SNX2: variants seen among roughly 807,000 people sequenced by gnomAD.
SNX2 encodes sorting nexin 2.
Under a neutral mutation model 69.9 loss-of-function variants are expected in SNX2, and 25 were observed. The observed-to-expected ratio is 0.36, with a 90% CI of 0.26 to 0.50. SNX2 has a LOEUF of 0.50. SNX2 is among the 20% of genes least tolerant of loss of function. SNX2 has a pLI of 0.97. For missense variants in SNX2, 551 were observed against 613.3 expected (o/e 0.90, Z 1.07); for synonymous variants, 229 against 200.4 (o/e 1.14, Z -1.20).
chr5:122,813,996 A>T (rs542278911), intron 7 of SNX2, among the ~76,000 whole-genome samples: 1 of 151,740 alleles, frequency 6.6e-6, no homozygotes, highest in African/African-American at 2.4e-5. Context: ...CTGGTCTCGA[A>T]CTCCTGACCT....
intron 11 of SNX2, among the ~76,000 whole-genome samples, chr5:122,824,962 T>G (rs915521967): frequency 3.3e-5 from 5 of 152,274 alleles, no homozygotes; most frequent in Admixed American, 3.3e-4. Context: ...TTTGGGATCA[T>G]TACAGCTTGG....
At chr5:122,826,357 A>G (rs894427535) in intron 12 of SNX2, among the ~76,000 whole-genome samples, 164 bp downstream of exon 12, 1 of 152,046 alleles carries the variant, frequency 6.6e-6, no homozygotes, top group African/African-American at 2.4e-5. Context: ...TTATTATTAA[A>G]ATCTCCAGAG....
rs116073418 is a variant in SNX2 at position 122,812,240 on chromosome 5, G to C, written c.723-3656G>C. On this transcript the variant is annotated intron_variant, in intron 7 of 14. Transcript: ENST00000379516. ...CCCATTTTACTCAATAAAAGCCAGA[G>C]TCCTTTTAATGGACTACAAGACTTT... is the stretch of plus-strand genomic sequence containing the variant. 2.4e-3 allele frequency among the ~76,000 whole-genome samples: 361 copies of C among 152,268 alleles called. 1 individual carries two copies. Among genetic ancestry groups the C allele is most frequent in the Non-Finnish European group, 3.6e-3 (245 of 68,034 alleles).
intron 2 of SNX2, among the ~76,000 whole-genome samples, chr5:122,797,055 G>A (rs1753397510): frequency 6.6e-6 from 1 of 152,206 alleles, no homozygotes; most frequent in Admixed American, 6.5e-5. Context: ...TGCTTCTCAA[G>A]TAGCTAAGAC....
chr5:122,800,519 G>A (rs1239214473), intron 3 of SNX2, among the ~76,000 whole-genome samples: 4 of 152,042 alleles, frequency 2.6e-5, no homozygotes, highest in African/African-American at 9.7e-5. Flanking sequence ...ACAGATAAAA[G>A]TAAAGTACAG....
intron 6 of SNX2, among the ~76,000 whole-genome samples, chr5:122,807,928 A>G (rs1345094470): frequency 1.3e-5 from 2 of 152,212 alleles, no homozygotes; most frequent in Admixed American, 6.5e-5. Context: ...TTGAAATTCC[A>G]TTATGTATAT....
intron 11 of SNX2, among the ~76,000 whole-genome samples, chr5:122,824,239 G>A (rs1294449564): frequency 6.7e-6 from 1 of 150,360 alleles, no homozygotes; most frequent in Non-Finnish European, 1.5e-5. Flanking sequence ...AAAAAACACT[G>A]ATGACATTTT....
intron 6 of SNX2, 167 bp downstream of exon 6, chr5:122,803,780 G>A: frequency 1.9e-6 from 1 of 518,578 alleles, no homozygotes; most frequent in Non-Finnish European, 3.3e-6. Flanking sequence ...ATTGAAGAAT[G>A]TATTGGTAAT....
chr5:122,816,981 G>T lies in SNX2; in HGVS notation c.865G>T (p.Ala289Ser), dbSNP rs959657860. ...AATATTGAGGATGGTGAACAAGGCT[G>T]CCGACGCTGTCAACAAAATGACAAT... ...AGILRMVNKA[A>S]DAVNKMTIKM... The change falls in exon 9 of 15, where the codon GCC becomes TCC. Residue 289 changes from alanine (A) to serine (S), a missense_variant. Coordinates refer to ENST00000379516, the MANE Select transcript of SNX2 (RefSeq NM_003100.4). The T allele has an allele frequency of 6.2e-7, 1 of 1,613,800 alleles. No homozygotes were observed. Among genetic ancestry groups the T allele is most frequent in the South Asian group, 1.1e-5 (1 of 91,064 alleles).
intron 11 of SNX2, among the ~76,000 whole-genome samples, chr5:122,823,968 G>A (rs1199564121): frequency 2.6e-5 from 4 of 152,008 alleles, no homozygotes; most frequent in African/African-American, 4.8e-5. Context: ...TTGGGAGGCC[G>A]AGGCAGGCAG....
intron 14 of SNX2, among the ~76,000 whole-genome samples, chr5:122,828,609 G>A (rs1258737275): frequency 1.3e-5 from 2 of 151,298 alleles, no homozygotes; most frequent in Non-Finnish European, 2.9e-5. Flanking sequence ...GTCACTTTAT[G>A]CTGGAAAAGG....
rs1754325353 is a variant in SNX2 at position 122,832,934 on chromosome 5, G to C, written c.*3286G>C. On this transcript the variant is annotated 3_prime_UTR_variant, in exon 15 of 15. Coordinates refer to ENST00000379516, the MANE Select transcript of SNX2 (RefSeq NM_003100.4). Reference sequence around the variant, plus strand: ...AGTCATTTTGTTTTAAAGGAAGGGAGGTTGCTGGTAGTTAGGTGGGAAAAT... The same window carrying C: ...AGTCATTTTGTTTTAAAGGAAGGGACGTTGCTGGTAGTTAGGTGGGAAAAT... 1 of 152,280 alleles carries C rather than the reference G, an allele frequency of 6.6e-6. No homozygotes were observed. Among genetic ancestry groups the C allele is most frequent in the South Asian group, 2.1e-4 (1 of 4,822 alleles). The allele number at this position is 152,280 out of a possible 1,614,324, so 9.4% of individuals were successfully genotyped here. A position where few individuals can be genotyped will look rare whatever the true frequency, so the allele number is the denominator to read the frequency against.
In SNX2 at chr5:122,776,532, G is replaced by T. The variant is rs533673257; in HGVS notation, c.108+1321G>T. ...CAAACCTAATAGTAAATGTTTGCCT[G>T]AGTTAAAACCAGCACCTCCTAAAAT... is the stretch of plus-strand genomic sequence containing the variant. On this transcript the variant is annotated intron_variant, in intron 1 of 14. Transcript: ENST00000379516. 2.0e-5 allele frequency among the ~76,000 whole-genome samples: 3 copies of T among 152,242 alleles called. No homozygotes were observed. In the East Asian group the frequency reaches 5.8e-4, roughly 29 times the overall value.
chr5:122,788,119 A>G (rs1753133688), intron 1 of SNX2, among the ~76,000 whole-genome samples: 1 of 152,038 alleles, frequency 6.6e-6, no homozygotes, highest in Admixed American at 6.5e-5. Context: ...TGAAAACTTT[A>G]TTTCACCTTC....
In SNX2 at chr5:122,829,895, A is replaced by T. The variant is rs1754246793; in HGVS notation, c.*247A>T. 2 of 524,688 alleles carry T rather than the reference A, an allele frequency of 3.8e-6. No individual in the cohort carries two copies. Among genetic ancestry groups the T allele is most frequent in the Non-Finnish European group, 6.9e-6 (2 of 291,298 alleles). 32.5% of individuals were successfully genotyped at this position (524,688 alleles called of 1,614,324 possible). A position where few individuals can be genotyped will look rare whatever the true frequency, so the allele number is the denominator to read the frequency against. On this transcript the variant is annotated 3_prime_UTR_variant, in exon 15 of 15. Coordinates refer to ENST00000379516, the MANE Select transcript of SNX2 (RefSeq NM_003100.4). ...CATGACATTCTGCAATACTTTGCTG[A>T]ATTGAACACTATTGTGTCTTAAATA...
At position 122,832,183 on chromosome 5, in the gene SNX2, T is replaced by C. The variant is rs1166595992; in HGVS notation, c.*2535T>C. 6.6e-6 allele frequency among the ~76,000 whole-genome samples: 1 copy of C among 152,230 alleles called. No homozygotes were observed. The highest frequency in any genetic ancestry group is 1.9e-4 in the East Asian group (1 of 5,204). ...GGCAGCAAAATATTGTGAAACAAGC[T>C]GAACTTGGGATCAGCATACATTTGT... On this transcript the variant is annotated 3_prime_UTR_variant, in exon 15 of 15. Transcript: ENST00000379516.
At chr5:122,784,424 T>TAAAGCA (rs1330323062) in intron 1 of SNX2, among the ~76,000 whole-genome samples, 1 of 152,070 alleles carries the variant, frequency 6.6e-6, no homozygotes, top group Non-Finnish European at 1.5e-5. Flanking sequence ...GATGTTAATT[T>TAAAGCA]TGACAAATGC....
intron 7 of SNX2, among the ~76,000 whole-genome samples, chr5:122,815,159 CAT>C (rs781183262): frequency 2.0e-5 from 3 of 152,172 alleles, no homozygotes; most frequent in Admixed American, 6.5e-5. Flanking sequence ...GTGACAGGCA[CAT>C]GTGAGCTTTT....
intron 1 of SNX2, among the ~76,000 whole-genome samples, chr5:122,787,912 A>G (rs116344690): frequency 0.028 from 4,193 of 152,294 alleles, 75 homozygotes; most frequent in Middle Eastern, 0.058. Flanking sequence ...TCTTTACTTC[A>G]ACAGTCATGT....
Sources: allele counts gnomAD v4.1 joint callset (sites outside exome capture counted in the v4.1 genomes callset), GRCh38; gene constraint gnomAD v4.1.1; transcripts MANE v1.5; gene names NCBI Gene and HGNC (gene_info 2026-07-23, HGNC 2026-07-21).